Variants in ZNF655 observed in about 807,000 individuals in gnomAD.
ZNF655 encodes the protein Vav-interacting Kruppel-like protein 1.
A neutral mutation model predicts 6.6 loss-of-function variants in ZNF655; 3 were observed. That is an observed-to-expected ratio of 0.46 (90% confidence interval 0.21 to 1.18). The LOEUF (loss-of-function observed/expected upper bound fraction) is 1.18. ZNF655 is among the 50% of genes most tolerant of loss of function. The probability of loss-of-function intolerance (pLI) is 0.24; values close to 1 mark genes in which losing one functional copy is unlikely to be tolerated. For missense variants in ZNF655, 526 were observed against 572.3 expected (o/e 0.92, Z 0.83); for synonymous variants, 178 against 195.0 (o/e 0.91, Z 0.73).
At chr7:99,566,493 C>T (rs540731452) in intron 2 of ZNF655, among the ~76,000 whole-genome samples, 13 of 152,286 alleles carry the variant, frequency 8.5e-5, no homozygotes, top group East Asian at 7.7e-4. Flanking sequence ...GGAAGAAAAG[C>T]GTGAAGCTTT....
Position 99,573,203 on chromosome 7 carries a change from G to A in ZNF655, c.1095G>A (p.Leu365=). ...CCTATGAGTATGATGAATATGGGTT[G>A]GCCTATATTAAACAACAAGGAATTC... ...EKAYEYDEYG[L]AYIKQQGIHF... is the part of the protein sequence containing the mutation. Residue 365 remains leucine, a synonymous_variant, in exon 3 of 3, where the codon TTG becomes TTA. Transcript: ENST00000252713. 1 of 1,613,986 alleles carries A rather than the reference G, an allele frequency of 6.2e-7. No individual in the cohort carries two copies.
chr7:99,560,540 C>A lies in ZNF655; in HGVS notation c.-20C>A. ...CTTAATCTTACCTTGCAGTGATGGT[C>A]ATTGTCCTCCAGAGCAGTGATGGAG... On this transcript the variant is annotated 5_prime_UTR_variant, in exon 2 of 3. Coordinates refer to ENST00000252713, the MANE Select transcript of ZNF655 (RefSeq NM_138494.3). 1 of 1,611,500 alleles carries A rather than the reference C, an allele frequency of 6.2e-7. No individual in the cohort carries two copies. Among genetic ancestry groups the A allele is most frequent in the South Asian group, 1.1e-5 (1 of 90,802 alleles).
chr7:99,572,380 A>C lies in ZNF655; in HGVS notation c.272A>C (p.Lys91Thr). 6.2e-7 allele frequency: 1 copy of C among 1,613,970 alleles called. No individual in the cohort carries two copies. The highest frequency in any genetic ancestry group is 8.5e-7 in the Non-Finnish European group (1 of 1,179,964). Residue 91 changes from lysine to threonine, a missense_variant, in exon 3 of 3, where the codon AAG becomes ACG. By Grantham distance (78) the Lys-to-Thr change is moderately conservative. Transcript: ENST00000252713. ...TQVPETREVY[K>T]SEDRLERLQE... is the part of the protein sequence containing the mutation. Reference sequence around the variant, plus strand: ...GTTCCTGAGACTAGAGAAGTGTATAAGTCTGAGGACAGATTAGAAAGACTT... The same window carrying C: ...GTTCCTGAGACTAGAGAAGTGTATACGTCTGAGGACAGATTAGAAAGACTT...
intron 1 of ZNF655, 61 bp from the exon 2 acceptor site, chr7:99,560,472 G>A (rs972566765): frequency 9.3e-6 from 14 of 1,501,606 alleles, no homozygotes; most frequent in African/African-American, 1.4e-5. Context: ...AAGTCCTGAC[G>A]ATATAAAATG....
chr7:99,572,882 TAAAAG>T lies in ZNF655; in HGVS notation c.777_781del (p.Lys259AsnfsTer4). 1 of 1,614,106 alleles carries T rather than the reference TAAAAG, an allele frequency of 6.2e-7. No homozygotes were observed. Among genetic ancestry groups the T allele is most frequent in the Non-Finnish European group, 8.5e-7 (1 of 1,179,988 alleles). ...GTCAGAGCTCAAGTCTTAGTCGACA[TAAAAG>T]AATACACACTAGAGAAAAACCTTAC... On this transcript the variant is annotated frameshift_variant, in exon 3 of 3. Coordinates refer to ENST00000252713, the MANE Select transcript of ZNF655 (RefSeq NM_138494.3). LOFTEE classifies it low-confidence loss of function (END_TRUNC).
At chr7:99,566,849 T>C (rs1803672644) in intron 2 of ZNF655, among the ~76,000 whole-genome samples, 1 of 152,382 alleles carries the variant, frequency 6.6e-6, no homozygotes, top group African/African-American at 2.4e-5. Context: ...GCCAACACCA[T>C]GCTCAGCTTT....
In ZNF655 at chr7:99,560,550, C is replaced by T. The variant is rs1411765903; in HGVS notation, c.-10C>T. ...CCTTGCAGTGATGGTCATTGTCCTC[C>T]AGAGCAGTGATGGAGGAAATACCAG... On this transcript the variant is annotated 5_prime_UTR_variant, in exon 2 of 3. An upstream open reading frame in the 5' UTR gains an earlier in-frame stop. Transcript: ENST00000252713. 6.2e-7 allele frequency: 1 copy of T among 1,613,364 alleles called. No homozygotes were observed. Among genetic ancestry groups the T allele is most frequent in the South Asian group, 1.1e-5 (1 of 90,988 alleles).
intron 2 of ZNF655, chr7:99,570,432 G>A (rs1217294775): frequency 1.3e-5 from 2 of 152,226 alleles, no homozygotes; most frequent in Admixed American, 1.3e-4. Flanking sequence ...TTGCTCATAG[G>A]CTCTCACATG....
chr7:99,561,181 G>T (rs563651150), intron 2 of ZNF655, among the ~76,000 whole-genome samples: 1 of 152,276 alleles, frequency 6.6e-6, no homozygotes, highest in South Asian at 2.1e-4. Context: ...TAATTCCTTG[G>T]TTGAACACAA....
chr7:99,566,912 A>G (rs1472582442), intron 2 of ZNF655, among the ~76,000 whole-genome samples: 2 of 152,140 alleles, frequency 1.3e-5, no homozygotes, highest in Non-Finnish European at 2.9e-5. Flanking sequence ...AAAACTCTCA[A>G]GATTTAAATA....
At chr7:99,568,127 G>GA (rs1803773520) in intron 2 of ZNF655, among the ~76,000 whole-genome samples, 1 of 150,846 alleles carries the variant, frequency 6.6e-6, no homozygotes, top group African/African-American at 2.4e-5. Context: ...ATTTTGGAAA[G>GA]AATAGCAAGC....
rs779570038 is a variant in ZNF655, at chr7:99,573,181, A to G, written c.1073A>G (p.Tyr358Cys). The G allele has an allele frequency of 7.4e-6, 12 of 1,614,034 alleles. No homozygotes were observed. The highest frequency in any genetic ancestry group is 1.1e-5 in the South Asian group (1 of 91,092). Residue 358 changes from tyrosine (Y) to cysteine (C), a missense_variant, in exon 3 of 3, where the codon TAT becomes TGT. By Grantham distance (194) the Tyr-to-Cys change is radical (BLOSUM62 -2). Coordinates refer to ENST00000252713, the MANE Select transcript of ZNF655 (RefSeq NM_138494.3). ...AGGGTCCATCATGAAGAGAAAGCCT[A>G]TGAGTATGATGAATATGGGTTGGCC... ...HQRVHHEEKA[Y>C]EYDEYGLAYI...
intron 2 of ZNF655, 78 bp downstream of exon 2, chr7:99,560,773 G>T: frequency 6.4e-7 from 1 of 1,552,528 alleles, no homozygotes; most frequent in South Asian, 1.2e-5. Flanking sequence ...GGCCTGGTTT[G>T]AGAGAGGCCA....
intron 2 of ZNF655, chr7:99,571,731 G>A (rs1434388391): frequency 1.2e-6 from 2 of 1,609,958 alleles, no homozygotes; most frequent in Non-Finnish European, 1.7e-6. Flanking sequence ...AGCTGGAACA[G>A]GATCTACAGG....
chr7:99,567,659 T>A (rs1230245278), intron 2 of ZNF655, among the ~76,000 whole-genome samples: 1 of 152,186 alleles, frequency 6.6e-6, no homozygotes. Context: ...TTACCAGCTG[T>A]AGTATGTTGA....
At chr7:99,568,998 T>A (rs1803839873) in intron 2 of ZNF655, among the ~76,000 whole-genome samples, 1 of 151,956 alleles carries the variant, frequency 6.6e-6, no homozygotes, top group Non-Finnish European at 1.5e-5. Context: ...TTGCCCAGGC[T>A]GGTCTCAGAC....
intron 2 of ZNF655, among the ~76,000 whole-genome samples, chr7:99,561,248 T>C (rs1186748589): frequency 1.3e-5 from 2 of 152,228 alleles, no homozygotes; most frequent in African/African-American, 4.8e-5. Context: ...CTTTGCTGTA[T>C]CGTATAGGTA....
In ZNF655 at chr7:99,575,254, ACAGGCCGGG is replaced by A. The variant is rs1193729754; in HGVS notation, c.*1673_*1681del. 4 of 152,464 alleles carry A rather than the reference ACAGGCCGGG, an allele frequency of 2.6e-5. No individual in the cohort carries two copies. The highest frequency in any genetic ancestry group is 5.9e-5 in the Non-Finnish European group (4 of 68,148). The allele number at this position is 152,464 out of a possible 1,614,324, so 9.4% of individuals were successfully genotyped here. A position where few individuals can be genotyped will look rare whatever the true frequency, so the allele number is the denominator to read the frequency against. ...GGTAGGGTAAACATAAAGAAGATAC[ACAGGCCGGG>A]CATGGTGGCTCACACCTGTAATCCC... On this transcript the variant is annotated 3_prime_UTR_variant, in exon 3 of 3. Transcript: ENST00000252713.
intron 2 of ZNF655, chr7:99,564,615 C>T (rs1242149178): frequency 1.0e-6 from 1 of 985,348 alleles, no homozygotes; most frequent in Non-Finnish European, 1.2e-6. Context: ...TGAATATCTA[C>T]TTAATAACTT....
Sources: gnomAD v4.1 joint callset for allele counts (sites outside exome capture counted in the v4.1 genomes callset) on GRCh38, gnomAD v4.1.1 for gene constraint, MANE v1.5 for transcripts, NCBI Gene and HGNC (gene_info 2026-07-23, HGNC 2026-07-21) for gene names.